The following MED13L variants were observed in gnomAD, a reference collection of about 807,000 sequenced individuals.
MED13L encodes the protein mediator of RNA polymerase II transcription subunit 13-like.
A neutral mutation model predicts 220.9 loss-of-function variants in MED13L; 7 were observed. The observed-to-expected ratio is 0.03, with a 90% CI of 0.02 to 0.06. The LOEUF (loss-of-function observed/expected upper bound fraction) is 0.06. Among genes scored for constraint, MED13L ranks in the 10% least tolerant of loss-of-function variants. MED13L has a pLI of 1.00. For synonymous variants in MED13L, 1,011 were observed against 1,015.2 expected (o/e 1.00, Z 0.08); for missense variants, 1,965 against 2,760.5 (o/e 0.71, Z 6.46).
At chr12:116,068,185 G>A (rs1194824122) in intron 4 of MED13L, among the ~76,000 whole-genome samples, 1 of 152,070 alleles carries the variant, frequency 6.6e-6, no homozygotes. Flanking sequence ...TCTAGCACTG[G>A]AAAGTTCTAT....
rs554369726 is a variant in MED13L, at chr12:116,233,115, G to C, written c.310+4353C>G. ...GAAAAAAAAAAAAAAAAAAAAGTAA[G>C]AAGTATTTGTTTGGTAGATTAGGAG... On this transcript the variant is annotated intron_variant, in intron 2 of 30. Coordinates refer to ENST00000281928, the MANE Select transcript of MED13L (RefSeq NM_015335.5). 2.9e-3 allele frequency among the ~76,000 whole-genome samples: 416 copies of C among 145,694 alleles called. 1 individual carries two copies. Among genetic ancestry groups the C allele is most frequent in the African/African-American group, 0.01 (399 of 39,860 alleles).
intron 1 of MED13L, among the ~76,000 whole-genome samples, chr12:116,245,134 G>A (rs557691151): frequency 1.3e-5 from 2 of 152,162 alleles, no homozygotes; most frequent in East Asian, 1.9e-4. Flanking sequence ...CTGAAGGCAC[G>A]GAACCAGAGT....
intron 2 of MED13L, among the ~76,000 whole-genome samples, chr12:116,219,820 C>T (rs1883205501): frequency 6.6e-6 from 1 of 152,148 alleles, no homozygotes. Context: ...TTTCTTGAGA[C>T]AGAGTCTCGC....
intron 4 of MED13L, among the ~76,000 whole-genome samples, chr12:116,068,170 G>A (rs962851217): frequency 3.9e-5 from 6 of 152,100 alleles, no homozygotes; most frequent in Non-Finnish European, 8.8e-5. Context: ...GGGGTTCTTC[G>A]TGAATCTAGC....
At chr12:115,969,696 G>A (rs1407968004) in intron 27 of MED13L, among the ~76,000 whole-genome samples, 1 of 151,352 alleles carries the variant, frequency 6.6e-6, no homozygotes, top group African/African-American at 2.4e-5. Flanking sequence ...GCTAATTTTT[G>A]TATTTTTCAT....
At chr12:116,093,609 T>C (rs1009688273) in intron 4 of MED13L, among the ~76,000 whole-genome samples, 1 of 151,996 alleles carries the variant, frequency 6.6e-6, no homozygotes, top group East Asian at 1.9e-4. Flanking sequence ...GATTAGAATA[T>C]CTAAAATATG....
chr12:116,275,409 T>TA (rs1280155836), intron 1 of MED13L, among the ~76,000 whole-genome samples: 7 of 152,332 alleles, frequency 4.6e-5, no homozygotes, highest in Admixed American at 1.3e-4. Flanking sequence ...ATATTTCATT[T>TA]AAAAAAATTT....
intron 4 of MED13L, among the ~76,000 whole-genome samples, chr12:116,085,042 A>G (rs1442228628): frequency 6.6e-6 from 1 of 152,308 alleles, no homozygotes; most frequent in African/African-American, 2.4e-5. Flanking sequence ...TAAAGAAACA[A>G]TACTACTCAA....
chr12:115,967,768 G>A (rs1367674381), intron 28 of MED13L, among the ~76,000 whole-genome samples: 1 of 152,098 alleles, frequency 6.6e-6, no homozygotes, highest in African/African-American at 2.4e-5. Context: ...CTTGCCTCCA[G>A]AATTCAAATT....
chr12:116,215,360 T>C (rs970508983), intron 2 of MED13L, among the ~76,000 whole-genome samples: 4 of 152,188 alleles, frequency 2.6e-5, no homozygotes, highest in Non-Finnish European at 5.9e-5. Flanking sequence ...TTCAAAGCCT[T>C]TGTCCACTGT....
intron 4 of MED13L, among the ~76,000 whole-genome samples, chr12:116,064,956 A>G (rs1260940493): frequency 6.6e-6 from 1 of 152,238 alleles, no homozygotes; most frequent in African/African-American, 2.4e-5. Flanking sequence ...ATATGTATAT[A>G]CAGTCAAGCA....
intron 1 of MED13L, among the ~76,000 whole-genome samples, chr12:116,241,305 T>C (rs1240070091): frequency 6.8e-6 from 1 of 147,828 alleles, no homozygotes; most frequent in Non-Finnish European, 1.5e-5. Flanking sequence ...CTCCGTCTCT[T>C]TAAAAAAAAA....
chr12:116,229,987 C>G (rs1392766593), intron 2 of MED13L, among the ~76,000 whole-genome samples: 1 of 152,162 alleles, frequency 6.6e-6, no homozygotes, highest in African/African-American at 2.4e-5. Flanking sequence ...TAAAAGTATA[C>G]TTTATAAACT....
chr12:115,991,320 C>T lies in MED13L; in HGVS notation c.3634G>A (p.Val1212Met). The T allele has an allele frequency of 6.2e-7, 1 of 1,613,958 alleles. No individual in the cohort carries two copies. Among genetic ancestry groups the T allele is most frequent in the South Asian group, 1.1e-5 (1 of 91,060 alleles). ...MMCQSTFLPQ[V>M]EGTKKPQEPP... ...TCCTGGGGTTTTTTGGTTCCTTCCA[C>T]CTGAGGAAGGAAGGTGGACTGACAC... Residue 1212 changes from valine to methionine, a missense_variant, in exon 17 of 31, where the codon GTG (valine) becomes ATG (methionine). Physicochemically the swap from Val to Met is conservative, Grantham distance 21 (BLOSUM62 1). Transcript: ENST00000281928. The surrounding 1 kb of genome is among the most constrained non-coding windows in gnomAD (Gnocchi z 7.7).
intron 2 of MED13L, among the ~76,000 whole-genome samples, chr12:116,118,665 A>G (rs903219983): frequency 1.3e-5 from 2 of 152,230 alleles, no homozygotes; most frequent in East Asian, 1.9e-4. Flanking sequence ...CAGGAGCAGC[A>G]TATGTTTCAA....
chr12:116,106,270 G>A (rs1873567085), intron 3 of MED13L, among the ~76,000 whole-genome samples: 1 of 152,128 alleles, frequency 6.6e-6, no homozygotes. Flanking sequence ...CTTCTGGAAG[G>A]CTGGCAAGAA....
chr12:116,137,710 TTATTTTGCCTCCATCTAGA>T (rs561224258), intron 2 of MED13L, among the ~76,000 whole-genome samples: 1 of 152,092 alleles, frequency 6.6e-6, no homozygotes, highest in Non-Finnish European at 1.5e-5. Context: ...GCACCCAGCG[TTATTTTGCCTCCATCTAGA>T]CTATGGTATT....
At position 115,961,224 on chromosome 12, in the gene MED13L, AG is replaced by A. The variant is rs1411193394; in HGVS notation, c.*41del. 1 of 1,612,318 alleles carries A rather than the reference AG, an allele frequency of 6.2e-7. No homozygotes were observed. Among genetic ancestry groups the A allele is most frequent in the African/African-American group, 1.3e-5 (1 of 74,894 alleles). ...AGCAGGTTCCTTGGACTGAGGTTGC[AG>A]GGAGAAGGAACTGAGCCAGAGAGAA... On this transcript the variant is annotated 3_prime_UTR_variant, in exon 31 of 31. Transcript: ENST00000281928.
chr12:116,117,020 T>C (rs920173655), intron 2 of MED13L, among the ~76,000 whole-genome samples: 1 of 151,872 alleles, frequency 6.6e-6, no homozygotes, highest in Non-Finnish European at 1.5e-5. Context: ...TATATAGTAG[T>C]TGTATTTGTA....
Sources: allele counts gnomAD v4.1 joint callset (sites outside exome capture counted in the v4.1 genomes callset), GRCh38; gene constraint gnomAD v4.1.1; non-coding constraint Gnocchi (gnomAD v3.1); transcripts MANE v1.5; gene names NCBI Gene and HGNC (gene_info 2026-07-23, HGNC 2026-07-21).